Variants in YWHAE observed in about 807,000 individuals in gnomAD.
YWHAE encodes 14-3-3 protein epsilon.
Under a neutral mutation model 30.1 loss-of-function variants are expected in YWHAE, and 4 were observed. The ratio of observed to expected loss-of-function variants is 0.13; its 90% confidence interval spans 0.07 to 0.30. The LOEUF is 0.30. Among genes scored for constraint, YWHAE ranks in the 10% least tolerant of loss-of-function variants. The pLI is 1.00. For synonymous variants in YWHAE, 118 were observed against 111.8 expected (o/e 1.06, Z -0.35); for missense variants, 121 against 315.9 (o/e 0.38, Z 4.68).
At chr17:1,345,595 C>G in intron 5 of YWHAE, 96 bp from the exon 6 acceptor site, 1 of 1,294,188 alleles carries the variant, frequency 7.7e-7, no homozygotes, top group East Asian at 2.3e-5. Flanking sequence ...AAAGACTCTT[C>G]TACTTGCTAC....
intron 1 of YWHAE, among the ~76,000 whole-genome samples, chr17:1,396,923 C>CTT (rs796641845): frequency 6.5e-4 from 90 of 137,418 alleles, no homozygotes; most frequent in African/African-American, 1.8e-3. Context: ...CACCTGGCCT[C>CTT]TTTTTTTTTT....
intron 1 of YWHAE, among the ~76,000 whole-genome samples, chr17:1,389,132 ATTCTGT>A (rs1229312938): frequency 2.0e-5 from 3 of 151,666 alleles, no homozygotes; most frequent in Non-Finnish European, 4.4e-5. Context: ...GGTCAAGCTA[ATTCTGT>A]TTCTTTTTGT....
At chr17:1,354,765 C>T (rs1488737583) in intron 4 of YWHAE, among the ~76,000 whole-genome samples, 1 of 151,898 alleles carries the variant, frequency 6.6e-6, no homozygotes, top group Non-Finnish European at 1.5e-5. Flanking sequence ...CAGGTTCATG[C>T]CATTCTCCTG....
intron 5 of YWHAE, among the ~76,000 whole-genome samples, chr17:1,350,599 A>G (rs1333328328): frequency 6.7e-6 from 1 of 149,896 alleles, no homozygotes; most frequent in African/African-American, 2.4e-5. Flanking sequence ...CCGCCACCAC[A>G]CCTGGCTAAT....
intron 3 of YWHAE, 37 bp from the exon 4 acceptor site, chr17:1,361,335 T>A: frequency 1.1e-5 from 15 of 1,320,940 alleles, no homozygotes; most frequent in African/African-American, 1.5e-5. Context: ...AAAAAAAAAT[T>A]TAAACTAGGA....
chr17:1,383,700 A>C (rs1450492305), intron 1 of YWHAE, among the ~76,000 whole-genome samples: 1 of 152,008 alleles, frequency 6.6e-6, no homozygotes, highest in Non-Finnish European at 1.5e-5. Flanking sequence ...TGTTTAAACA[A>C]TTTTTTAAAA....
At chr17:1,371,069 T>C (rs9748126) in intron 1 of YWHAE, among the ~76,000 whole-genome samples, 113,049 of 151,960 alleles carry the variant, frequency 0.74, 43,393 homozygotes, top group African/African-American at 0.93. Context: ...GACCAAGTAC[T>C]GTGTGTGAGT....
intron 5 of YWHAE, among the ~76,000 whole-genome samples, chr17:1,349,242 C>G (rs8065667): frequency 2.0e-5 from 3 of 151,796 alleles, no homozygotes; most frequent in Non-Finnish European, 4.4e-5. Context: ...TCAGAGAGGA[C>G]GAGGCAGAAG....
At chr17:1,353,331 G>A (rs35877232) in intron 5 of YWHAE, among the ~76,000 whole-genome samples, 23,427 of 151,374 alleles carry the variant, frequency 0.15, 2,151 homozygotes, top group Non-Finnish European at 0.21. Context: ...CCAGCTACTC[G>A]GGAGACTGAG....
intron 1 of YWHAE, among the ~76,000 whole-genome samples, chr17:1,388,450 A>T (rs1472263436): frequency 6.6e-6 from 1 of 151,532 alleles, no homozygotes; most frequent in African/African-American, 2.4e-5. Flanking sequence ...CAGGAGGTGG[A>T]GCTTGCAGTG....
chr17:1,348,581 G>T (rs565858756), intron 5 of YWHAE, among the ~76,000 whole-genome samples: 2 of 152,266 alleles, frequency 1.3e-5, no homozygotes, highest in Non-Finnish European at 2.9e-5. Flanking sequence ...CGGAACCCAA[G>T]TCACAAAAGT....
At chr17:1,357,655 G>A (rs905524419) in intron 4 of YWHAE, among the ~76,000 whole-genome samples, 1 of 152,084 alleles carries the variant, frequency 6.6e-6, no homozygotes, top group Non-Finnish European at 1.5e-5. Flanking sequence ...GCTGGGTGCA[G>A]TGGCTCACGC....
At chr17:1,371,513 T>A (rs557761256) in intron 1 of YWHAE, among the ~76,000 whole-genome samples, 1 of 152,282 alleles carries the variant, frequency 6.6e-6, no homozygotes, top group South Asian at 2.1e-4. Flanking sequence ...CTTACAGGCT[T>A]TGCTGTTCCA....
intron 2 of YWHAE, 90 bp downstream of exon 2, chr17:1,364,769 T>C: frequency 4.3e-6 from 6 of 1,380,112 alleles, no homozygotes; most frequent in Non-Finnish European, 6.1e-6. Context: ...TATATGAATG[T>C]AGTCTCCTTT....
chr17:1,360,593 T>A (rs2072849245), intron 4 of YWHAE, among the ~76,000 whole-genome samples: 1 of 151,554 alleles, frequency 6.6e-6, no homozygotes, highest in African/African-American at 2.4e-5. Context: ...GAAAACACCG[T>A]CTCTACTAAA....
At chr17:1,364,724 A>G (rs1011840224) in intron 2 of YWHAE, 135 bp downstream of exon 2, 5 of 1,106,094 alleles carry the variant, frequency 4.5e-6, no homozygotes, top group African/African-American at 3.2e-5. Context: ...ACAAAGATCA[A>G]TATCAGAAAC....
intron 1 of YWHAE, among the ~76,000 whole-genome samples, chr17:1,387,161 A>G (rs984277714): frequency 2.6e-5 from 4 of 152,238 alleles, no homozygotes; most frequent in South Asian, 2.1e-4. Context: ...TTGGCAGCAC[A>G]TGTACTAAAG....
rs542298633 is a variant in YWHAE, at chr17:1,384,004, G to A, written c.64+16043C>T. ...GTGGATCACAAGGTCAAGAGTTCAA[G>A]ACCAACCTGGCCAACATGGTGAAAC... On this transcript the variant is annotated intron_variant, in intron 1 of 5. Transcript: ENST00000264335. Among the ~76,000 whole-genome samples, 5 of 151,998 alleles carry A rather than the reference G, an allele frequency of 3.3e-5. No homozygotes were observed. In the South Asian group the frequency reaches 1.0e-3, roughly 32 times the overall value.
At chr17:1,370,119 C>CT (rs538497835) in intron 1 of YWHAE, among the ~76,000 whole-genome samples, 7,349 of 76,424 alleles carry the variant, frequency 0.096, 1,289 homozygotes, top group East Asian at 0.16. Flanking sequence ...CACAGAAAAA[C>CT]TTTTTTTTTT....
Sources: allele counts gnomAD v4.1 joint callset (sites outside exome capture counted in the v4.1 genomes callset), GRCh38; gene constraint gnomAD v4.1.1; transcripts MANE v1.5; gene names NCBI Gene and HGNC (gene_info 2026-07-23, HGNC 2026-07-21).